ARB2A: variants seen among roughly 807,000 people sequenced by gnomAD.
ARB2A encodes the protein ARB2 cotranscriptional regulator A.
chr5:93,884,264 T>C, the ARB2A span, among the ~76,000 whole-genome samples: 5 of 151,666 alleles, frequency 3.3e-5, no homozygotes, highest in African/African-American at 1.2e-4. Flanking sequence ...ATATCTGGCT[T>C]ATTTGAGCAG....
chr5:93,999,897 T>G, the ARB2A span, among the ~76,000 whole-genome samples: 3 of 152,218 alleles, frequency 2.0e-5, no homozygotes, highest in East Asian at 5.8e-4. Flanking sequence ...TACCATATAT[T>G]TGGAACCATA....
At chr5:93,619,805 G>A in the ARB2A span, 1 of 152,316 alleles carries the variant, frequency 6.6e-6, no homozygotes, top group Admixed American at 6.5e-5. Flanking sequence ...AAACCCTACA[G>A]AGGAAGCGGA....
chr5:93,860,072 A>C, the ARB2A span, among the ~76,000 whole-genome samples: 1 of 152,162 alleles, frequency 6.6e-6, no homozygotes, highest in Non-Finnish European at 1.5e-5. Flanking sequence ...AGGTGGATGG[A>C]TCACGAGGTC....
the ARB2A span, among the ~76,000 whole-genome samples, chr5:93,793,027 C>G: frequency 2.0e-5 from 3 of 151,714 alleles, no homozygotes; most frequent in South Asian, 6.3e-4. Context: ...AGTAAGTGAC[C>G]CACGCATACC....
chr5:94,011,278 CTA>C, the ARB2A span, among the ~76,000 whole-genome samples: 1 of 152,218 alleles, frequency 6.6e-6, no homozygotes, highest in East Asian at 1.9e-4. Flanking sequence ...GATTTTTTCT[CTA>C]TATATTCTCA....
At chr5:94,093,329 G>T in the ARB2A span, among the ~76,000 whole-genome samples, 7 of 152,102 alleles carry the variant, frequency 4.6e-5, no homozygotes, top group African/African-American at 1.4e-4. Context: ...CACAGGGTGG[G>T]TTAAACAACA....
the ARB2A span, among the ~76,000 whole-genome samples, chr5:94,039,884 G>A: frequency 1.3e-5 from 2 of 151,950 alleles, no homozygotes; most frequent in East Asian, 1.9e-4. Context: ...CCCCAACCCC[G>A]ATCACTGATC....
the ARB2A span, among the ~76,000 whole-genome samples, chr5:93,680,538 A>G: frequency 6.6e-6 from 1 of 152,120 alleles, no homozygotes; most frequent in African/African-American, 2.4e-5. Context: ...TTTATTTTCA[A>G]TGTATCCTGC....
the ARB2A span, among the ~76,000 whole-genome samples, chr5:93,705,911 A>C: frequency 6.6e-6 from 1 of 152,240 alleles, no homozygotes; most frequent in East Asian, 1.9e-4. Context: ...GAAGTTCTTA[A>C]CGTATAATGC....
chr5:93,626,923 C>G, the ARB2A span, among the ~76,000 whole-genome samples: 1 of 152,166 alleles, frequency 6.6e-6, no homozygotes, highest in Non-Finnish European at 1.5e-5. Flanking sequence ...AGCATTTTAC[C>G]CACAGTAGAA....
At chr5:93,651,501 T>G in the ARB2A span, among the ~76,000 whole-genome samples, 1 of 152,136 alleles carries the variant, frequency 6.6e-6, no homozygotes, top group African/African-American at 2.4e-5. Context: ...AAAGAAATTT[T>G]TAGATAAACA....
the ARB2A span, among the ~76,000 whole-genome samples, chr5:94,109,092 T>G: frequency 6.6e-6 from 1 of 152,194 alleles, no homozygotes; most frequent in Non-Finnish European, 1.5e-5. Flanking sequence ...TGGATAATTG[T>G]ATTTCACCTT....
At chr5:93,804,311 T>C in the ARB2A span, among the ~76,000 whole-genome samples, 12 of 152,108 alleles carry the variant, frequency 7.9e-5, no homozygotes, top group African/African-American at 2.6e-4. Flanking sequence ...TGTATATTCA[T>C]CTGAGTATCT....
chr5:93,913,529 A>G, the ARB2A span, among the ~76,000 whole-genome samples: 1 of 151,954 alleles, frequency 6.6e-6, no homozygotes, highest in African/African-American at 2.4e-5. Flanking sequence ...GCATGAGCCG[A>G]ATGAAAAACT....
the ARB2A span, chr5:93,683,176 A>G: frequency 2.3e-6 from 3 of 1,324,512 alleles, no homozygotes. Flanking sequence ...CCTCATCATC[A>G]AAATCATCAT....
chr5:94,007,812 A>G, the ARB2A span, among the ~76,000 whole-genome samples: 1 of 151,812 alleles, frequency 6.6e-6, no homozygotes. Context: ...TCACATGTCT[A>G]AAACAAAGGA....
At chr5:93,813,004 T>C in the ARB2A span, among the ~76,000 whole-genome samples, 5 of 152,318 alleles carry the variant, frequency 3.3e-5, no homozygotes, top group African/African-American at 9.6e-5. Flanking sequence ...CTTTCTGCCA[T>C]GTGAGGACAC....
chr5:93,950,603 A>G, the ARB2A span, among the ~76,000 whole-genome samples: 11 of 150,380 alleles, frequency 7.3e-5, no homozygotes, highest in Admixed American at 7.3e-4. Context: ...AGCTTGTGCC[A>G]CTGCACTGCA....
chr5:93,840,197 T>C, the ARB2A span, among the ~76,000 whole-genome samples: 1 of 152,202 alleles, frequency 6.6e-6, no homozygotes, highest in Non-Finnish European at 1.5e-5. Context: ...TCAGGTATGT[T>C]GTATCTTTGT....
Sources: allele counts gnomAD v4.1 joint callset (sites outside exome capture counted in the v4.1 genomes callset), GRCh38; gene constraint gnomAD v4.1.1; transcripts MANE v1.5; gene names NCBI Gene and HGNC (gene_info 2026-07-23, HGNC 2026-07-21).